Variants in SNTB1 observed in about 807,000 individuals in gnomAD.
SNTB1 encodes beta-1-syntrophin.
A neutral mutation model predicts 48.9 loss-of-function variants in SNTB1; 36 were observed. The observed-to-expected ratio is 0.74, with a 90% CI of 0.56 to 0.97. SNTB1 has a LOEUF of 0.97. Among genes scored for constraint, SNTB1 ranks in the 50% least tolerant of loss-of-function variants. The pLI, the probability that SNTB1 is intolerant of heterozygous loss-of-function variation, is 0.00. For synonymous variants in SNTB1, 299 were observed against 294.6 expected, an observed-to-expected ratio of 1.01 and a Z score of -0.15; for missense variants, 786 against 703.4, an observed-to-expected ratio of 1.12 and a Z score of -1.33.
intron 1 of SNTB1, among the ~76,000 whole-genome samples, chr8:120,788,403 G>A (rs973298680): frequency 6.6e-6 from 1 of 152,110 alleles, no homozygotes; most frequent in African/African-American, 2.4e-5. Flanking sequence ...AATGTTGAAT[G>A]TAAATGGTCT....
intron 4 of SNTB1, among the ~76,000 whole-genome samples, chr8:120,555,513 A>C (rs1272077728): frequency 6.6e-6 from 1 of 152,162 alleles, no homozygotes; most frequent in Non-Finnish European, 1.5e-5. Context: ...AGAGAAGGGA[A>C]GATAGAGCCG....
intron 3 of SNTB1, among the ~76,000 whole-genome samples, chr8:120,578,309 A>G (rs1355770608): frequency 6.6e-6 from 1 of 151,900 alleles, no homozygotes; most frequent in Non-Finnish European, 1.5e-5. Context: ...ACAGGGTTTT[A>G]AAAGCCATAC....
chr8:120,630,405 TG>T (rs950259546), intron 3 of SNTB1, among the ~76,000 whole-genome samples: 61 of 152,358 alleles, frequency 4.0e-4, no homozygotes, highest in African/African-American at 1.4e-3. Flanking sequence ...GGTCAAGGGA[TG>T]GTAGTGGCTT....
chr8:120,766,391 T>C (rs116712593), intron 1 of SNTB1, among the ~76,000 whole-genome samples: 3,502 of 152,330 alleles, frequency 0.023, 135 homozygotes, highest in African/African-American at 0.08. Flanking sequence ...GTATTTCCAA[T>C]AGTTTTTGCC....
At position 120,804,504 on chromosome 8, in the gene SNTB1, A is replaced by G. The variant is rs144286153; in HGVS notation, c.571+6769T>C. 3.3e-5 allele frequency among the ~76,000 whole-genome samples: 5 copies of G among 152,214 alleles called. No homozygotes were observed. In the East Asian group the frequency reaches 9.7e-4, roughly 29 times the overall value. ...CCACAGTGTCTTCAGTTTGTGTAGT[A>G]TACAGCAGGATGGGCCTGATGAGGT... On this transcript the variant is annotated intron_variant, in intron 1 of 6. Transcript: ENST00000517992.
intron 1 of SNTB1, among the ~76,000 whole-genome samples, chr8:120,789,775 C>T (rs1210585371): frequency 6.6e-6 from 1 of 151,956 alleles, no homozygotes; most frequent in Non-Finnish European, 1.5e-5. Context: ...AGCCCAAGGC[C>T]AGACAGATTC....
chr8:120,564,564 G>GTT (rs71306893), intron 4 of SNTB1, among the ~76,000 whole-genome samples: 6,200 of 84,020 alleles, frequency 0.074, 628 homozygotes, highest in African/African-American at 0.18. Flanking sequence ...TATTATTCTG[G>GTT]TTTTTTTTTT....
chr8:120,703,152 T>C (rs1818332301), intron 1 of SNTB1, among the ~76,000 whole-genome samples: 1 of 152,106 alleles, frequency 6.6e-6, no homozygotes. Flanking sequence ...AGAGATGGAG[T>C]CTGGCTTTGT....
In SNTB1 at chr8:120,811,933, G is replaced by C; in HGVS notation, c.-90C>G. 1 of 1,279,604 alleles carries C rather than the reference G, an allele frequency of 7.8e-7. No homozygotes were observed. The highest frequency in any genetic ancestry group is 9.8e-7 in the Non-Finnish European group (1 of 1,017,612). 79.3% of individuals were successfully genotyped at this position (1,279,604 alleles called of 1,614,324 possible). On this transcript the variant is annotated 5_prime_UTR_variant, in exon 1 of 7. Coordinates refer to ENST00000517992, the MANE Select transcript of SNTB1 (RefSeq NM_021021.4). The stretch of plus-strand genomic sequence containing the variant: ...GGGGGAGGACGCGGGGCCCGGGGGA[G>C]CGAGGAGAGTGCGTCCCGCGGGGAG...
chr8:120,799,463 T>C (rs1820178576), intron 1 of SNTB1, among the ~76,000 whole-genome samples: 1 of 151,512 alleles, frequency 6.6e-6, no homozygotes, highest in South Asian at 2.1e-4. Flanking sequence ...AACAAGAGGA[T>C]GCTATATAAA....
intron 4 of SNTB1, chr8:120,571,068 A>T (rs964614608): frequency 5.2e-6 from 3 of 577,822 alleles, no homozygotes; most frequent in Non-Finnish European, 7.5e-6. Context: ...CACATAGTAG[A>T]TGATTTATAA....
intron 1 of SNTB1, among the ~76,000 whole-genome samples, chr8:120,734,711 C>G (rs1001127301): frequency 3.9e-5 from 6 of 152,164 alleles, no homozygotes; most frequent in African/African-American, 1.4e-4. Flanking sequence ...ATGATGCATG[C>G]TGAAACACAG....
chr8:120,730,199 C>T (rs138638029), intron 1 of SNTB1, among the ~76,000 whole-genome samples: 2,367 of 152,158 alleles, frequency 0.016, 63 homozygotes, highest in African/African-American at 0.054. Context: ...TGCTCTGTCG[C>T]CTAGGCTGGA....
intron 1 of SNTB1, among the ~76,000 whole-genome samples, chr8:120,790,578 C>T (rs1820011833): frequency 6.6e-6 from 1 of 151,906 alleles, no homozygotes; most frequent in South Asian, 2.1e-4. Flanking sequence ...AGCAGCACTG[C>T]TATACACCAA....
chr8:120,603,558 A>G (rs920408481), intron 3 of SNTB1, among the ~76,000 whole-genome samples: 13 of 152,180 alleles, frequency 8.5e-5, no homozygotes, highest in African/African-American at 2.7e-4. Context: ...TTCTTGCATC[A>G]CACCTCAAAC....
chr8:120,620,101 C>T (rs982796421), intron 3 of SNTB1, among the ~76,000 whole-genome samples: 1 of 152,020 alleles, frequency 6.6e-6, no homozygotes, highest in Non-Finnish European at 1.5e-5. Context: ...CACACACACA[C>T]ATATAGTAGC....
At chr8:120,784,284 GTGCCCAGCC>G (rs1819880113) in intron 1 of SNTB1, among the ~76,000 whole-genome samples, 1 of 150,968 alleles carries the variant, frequency 6.6e-6, no homozygotes, top group South Asian at 2.1e-4. Flanking sequence ...GTGAGGTACT[GTGCCCAGCC>G]TGCACCATTT....
intron 3 of SNTB1, among the ~76,000 whole-genome samples, chr8:120,620,880 C>A (rs1035590628): frequency 7.1e-6 from 1 of 140,468 alleles, no homozygotes; most frequent in African/African-American, 2.6e-5. Context: ...CCTCCTCCCT[C>A]CCTCCCTCCC....
intron 1 of SNTB1, among the ~76,000 whole-genome samples, chr8:120,780,752 A>T (rs1282193356): frequency 1.3e-5 from 2 of 152,234 alleles, no homozygotes; most frequent in Non-Finnish European, 2.9e-5. Flanking sequence ...AGTTTAGTTC[A>T]TGTTTAAAAT....
Sources: gnomAD v4.1 joint callset for allele counts (sites outside exome capture counted in the v4.1 genomes callset) on GRCh38, gnomAD v4.1.1 for gene constraint, MANE v1.5 for transcripts, NCBI Gene and HGNC (gene_info 2026-07-23, HGNC 2026-07-21) for gene names.